Variants in ATP9B observed in about 807,000 individuals in gnomAD.
The protein encoded by ATP9B is ATPase phospholipid transporting 9B, also known as probable phospholipid-transporting ATPase IIB.
Under a neutral mutation model 146.1 loss-of-function variants are expected in ATP9B, and 110 were observed. The ratio of observed to expected loss-of-function variants is 0.75; its 90% CI spans 0.65 to 0.88. The LOEUF (loss-of-function observed/expected upper bound fraction) is 0.88, where lower values mean the gene tolerates loss of function less well. ATP9B is among the 40% of genes least tolerant of loss of function. ATP9B has a pLI of 0.00. For synonymous variants in ATP9B, 604 were observed against 569.7 expected, an observed-to-expected ratio of 1.06 and a Z score of -0.86; for missense variants, 1,499 against 1,496.4, an observed-to-expected ratio of 1.00 and a Z score of -0.03.
At chr18:79,208,694 A>T (rs2095556666) in intron 10 of ATP9B, among the ~76,000 whole-genome samples, 13 of 152,270 alleles carry the variant, frequency 8.5e-5, no homozygotes, top group Admixed American at 8.5e-4. Flanking sequence ...GATGTTATTT[A>T]TATATAAATT....
At chr18:79,109,072 T>G (rs2075836965) in intron 2 of ATP9B, among the ~76,000 whole-genome samples, 1 of 152,168 alleles carries the variant, frequency 6.6e-6, no homozygotes, top group African/African-American at 2.4e-5. Context: ...ATGCTGTCAT[T>G]TTCATGCAAA....
intron 11 of ATP9B, among the ~76,000 whole-genome samples, chr18:79,215,837 G>A (rs2095622627): frequency 6.6e-6 from 1 of 152,132 alleles, no homozygotes; most frequent in South Asian, 2.1e-4. Context: ...TTACAGATGA[G>A]CACCACCCCA....
At position 79,345,456 on chromosome 18, in the gene ATP9B, T is replaced by C; in HGVS notation, c.2501T>C (p.Phe834Ser). The change falls in exon 22 of 30, where the codon TTT becomes TCT. Residue 834 changes from phenylalanine to serine, a missense_variant. Phe to Ser is a radical substitution (Grantham distance 155). Transcript: ENST00000426216. Reference sequence around the variant, plus strand: ...TGTCTAAAGTACTACGAGCATGAATTTGTGGAGCTGGCCTGCCAGTGCCCT... The same window carrying C: ...TGTCTAAAGTACTACGAGCATGAATCTGTGGAGCTGGCCTGCCAGTGCCCT... ...EVCLKYYEHE[F>S]VELACQCPAV... 8 of 1,614,034 alleles carry C rather than the reference T, an allele frequency of 5.0e-6. No homozygotes were observed. Among genetic ancestry groups the C allele is most frequent in the Non-Finnish European group, 5.9e-6 (7 of 1,180,034 alleles).
intron 25 of ATP9B, chr18:79,352,825 C>T (rs2096929598): frequency 6.6e-6 from 1 of 152,224 alleles, no homozygotes; most frequent in Non-Finnish European, 1.5e-5. Context: ...GGAGAATAAA[C>T]TGACATGATG....
chr18:79,237,450 C>A (rs114384441), intron 11 of ATP9B, among the ~76,000 whole-genome samples: 4 of 152,374 alleles, frequency 2.6e-5, no homozygotes, highest in African/African-American at 9.6e-5. Context: ...GGGCCCTTTC[C>A]TGTGATTGGT....
At chr18:79,080,946 G>A (rs2073188895) in intron 1 of ATP9B, among the ~76,000 whole-genome samples, 1 of 152,176 alleles carries the variant, frequency 6.6e-6, no homozygotes, top group Non-Finnish European at 1.5e-5. Context: ...TGTTGAACTA[G>A]CCTTGCATCC....
At chr18:79,166,602 C>G (rs190349625) in intron 7 of ATP9B, among the ~76,000 whole-genome samples, 1 of 152,148 alleles carries the variant, frequency 6.6e-6, no homozygotes, top group Admixed American at 6.5e-5. Flanking sequence ...TGACTGAACA[C>G]GGGCAAAGTC....
At chr18:79,234,607 CT>C (rs2095822982) in intron 11 of ATP9B, among the ~76,000 whole-genome samples, 1 of 151,154 alleles carries the variant, frequency 6.6e-6, no homozygotes, top group Non-Finnish European at 1.5e-5. Context: ...TGTGGGCCTG[CT>C]TGCTGTGGGC....
intron 11 of ATP9B, among the ~76,000 whole-genome samples, chr18:79,223,815 T>G (rs2095703588): frequency 6.6e-6 from 1 of 152,196 alleles, no homozygotes; most frequent in Non-Finnish European, 1.5e-5. Context: ...AACAAAATGC[T>G]AAGTGTTGAA....
At chr18:79,108,393 A>G (rs1387809378) in intron 2 of ATP9B, among the ~76,000 whole-genome samples, 1 of 152,238 alleles carries the variant, frequency 6.6e-6, no homozygotes, top group Non-Finnish European at 1.5e-5. Context: ...TACCCTACCA[A>G]AAATATTAAT....
chr18:79,323,151 G>C (rs1049961861), intron 15 of ATP9B, among the ~76,000 whole-genome samples: 3 of 150,334 alleles, frequency 2.0e-5, no homozygotes, highest in Non-Finnish European at 3.0e-5. Flanking sequence ...GTTTATCGTT[G>C]CTTCGCGTTA....
At chr18:79,292,456 C>A (rs2146194709) in intron 13 of ATP9B, among the ~76,000 whole-genome samples, 1 of 152,180 alleles carries the variant, frequency 6.6e-6, no homozygotes, top group South Asian at 2.1e-4. Flanking sequence ...ATTTACAGTG[C>A]ATCAAAAAAT....
intron 1 of ATP9B, among the ~76,000 whole-genome samples, chr18:79,073,547 A>G (rs1006261194): frequency 1.3e-5 from 2 of 152,180 alleles, no homozygotes; most frequent in African/African-American, 4.8e-5. Context: ...AGAATCAGGC[A>G]GGGAGGTTGC....
At chr18:79,172,573 CCG>C in intron 7 of ATP9B, among the ~76,000 whole-genome samples, 2 of 140,962 alleles carry the variant, frequency 1.4e-5, no homozygotes, top group African/African-American at 5.2e-5. Flanking sequence ...GGCGTAGCCA[CCG>C]TGCGCCGACC....
intron 1 of ATP9B, among the ~76,000 whole-genome samples, chr18:79,073,140 C>T (rs1015153506): frequency 1.3e-4 from 19 of 151,434 alleles, no homozygotes; most frequent in African/African-American, 3.9e-4. Context: ...TTCTCACTTC[C>T]CAGACTGGGA....
In ATP9B at chr18:79,330,308, A is replaced by G. The variant is rs559607936; in HGVS notation, c.2028+204A>G. Among the ~76,000 whole-genome samples, 2 of 152,358 alleles carry G rather than the reference A, an allele frequency of 1.3e-5. No individual in the cohort carries two copies. Among genetic ancestry groups the G allele is most frequent in the East Asian group, 3.9e-4 (2 of 5,194 alleles). ...CAAACCAGATGCTGATGGGAACCACATAGGTTGTCAAACACAGTATCATTT... is the reference window on the plus strand; with the variant it reads ...CAAACCAGATGCTGATGGGAACCACGTAGGTTGTCAAACACAGTATCATTT... On this transcript the variant is annotated intron_variant, in intron 17 of 29. Transcript: ENST00000426216.
chr18:79,293,045 A>G (rs1022859348), intron 13 of ATP9B, among the ~76,000 whole-genome samples: 5 of 151,840 alleles, frequency 3.3e-5, no homozygotes, highest in Non-Finnish European at 7.4e-5. Context: ...AAATAAATCC[A>G]AACACTTACG....
At chr18:79,324,602 C>T (rs1169113498) in intron 15 of ATP9B, among the ~76,000 whole-genome samples, 2 of 152,150 alleles carry the variant, frequency 1.3e-5, no homozygotes, top group Non-Finnish European at 2.9e-5. Context: ...GACCCTGCCC[C>T]ACATCCCACT....
At chr18:79,346,779 C>A (rs1362872582) in intron 23 of ATP9B, among the ~76,000 whole-genome samples, 1 of 152,256 alleles carries the variant, frequency 6.6e-6, no homozygotes, top group Non-Finnish European at 1.5e-5. Flanking sequence ...TCGGCACAGT[C>A]AGCACATGCT....
Sources: allele counts gnomAD v4.1 joint callset (sites outside exome capture counted in the v4.1 genomes callset), GRCh38; gene constraint gnomAD v4.1.1; transcripts MANE v1.5; gene names NCBI Gene and HGNC (gene_info 2026-07-23, HGNC 2026-07-21).